The following CACNG3 variants were observed in gnomAD, a reference collection of about 807,000 sequenced individuals.
The protein encoded by CACNG3 is calcium voltage-gated channel auxiliary subunit gamma 3, also known as voltage-dependent calcium channel gamma-3 subunit.
In CACNG3, 3 loss-of-function variants were observed where a neutral mutation model predicts 28.5. That is an observed-to-expected ratio of 0.11 (90% CI 0.05 to 0.27). CACNG3 has a LOEUF of 0.27. Among genes scored for constraint, CACNG3 ranks in the 10% least tolerant of loss-of-function variants. CACNG3 has a pLI of 1.00. For synonymous variants in CACNG3, 174 were observed against 162.2 expected, an observed-to-expected ratio of 1.07 and a Z score of -0.55; for missense variants, 236 against 414.4, an observed-to-expected ratio of 0.57 and a Z score of 3.74.
intron 1 of CACNG3, among the ~76,000 whole-genome samples, chr16:24,344,417 A>G (rs1340261863): frequency 1.3e-5 from 2 of 152,150 alleles, no homozygotes; most frequent in Admixed American, 6.5e-5. Context: ...TCAGAAAAAA[A>G]AAAAAAATGC....
chr16:24,314,215 T>A (rs1166323129), intron 1 of CACNG3, among the ~76,000 whole-genome samples: 1 of 152,064 alleles, frequency 6.6e-6, no homozygotes, highest in African/African-American at 2.4e-5. Flanking sequence ...ATTTATGGGG[T>A]CCAGCACGAA....
At position 24,346,896 on chromosome 16, in the gene CACNG3, G is replaced by T. The variant is rs776196785; in HGVS notation, c.295+79G>T. ...ATCACTCAGCTGCCTCTGAGTCGGA[G>T]CTTCCTCAGCATCTGTCCCTAGAAA... On this transcript the variant is annotated intron_variant, in intron 2 of 3. Coordinates refer to ENST00000005284, the MANE Select transcript of CACNG3 (RefSeq NM_006539.4). 5.6e-6 allele frequency: 6 copies of T among 1,076,096 alleles called. No individual in the cohort carries two copies. In the East Asian group the frequency reaches 1.4e-4, roughly 26 times the overall value. 66.7% of individuals were successfully genotyped at this position (1,076,096 alleles called of 1,614,324 possible). A position where few individuals can be genotyped will look rare whatever the true frequency, so the allele number is the denominator to read the frequency against.
At chr16:24,305,980 A>G (rs377165492) in intron 1 of CACNG3, among the ~76,000 whole-genome samples, 2 of 152,152 alleles carry the variant, frequency 1.3e-5, no homozygotes, top group South Asian at 2.1e-4. Context: ...GCCTGTATAT[A>G]TGGTATATAC....
At chr16:24,322,339 A>G (rs1321445858) in intron 1 of CACNG3, among the ~76,000 whole-genome samples, 2 of 152,222 alleles carry the variant, frequency 1.3e-5, no homozygotes, top group African/African-American at 2.4e-5. Context: ...TAGCGCCTCA[A>G]AGGAACCCCG....
chr16:24,275,996 G>A (rs1042747378), intron 1 of CACNG3, among the ~76,000 whole-genome samples: 2 of 152,170 alleles, frequency 1.3e-5, no homozygotes, highest in Non-Finnish European at 2.9e-5. Context: ...ACCACTTGTC[G>A]AGTTTTGGTG....
intron 1 of CACNG3, among the ~76,000 whole-genome samples, chr16:24,314,258 G>A (rs531804887): frequency 6.6e-6 from 1 of 152,284 alleles, no homozygotes; most frequent in South Asian, 2.1e-4. Flanking sequence ...TCAAAAAAGT[G>A]TTAAGAATTT....
chr16:24,272,854 T>G (rs1298272152), intron 1 of CACNG3, among the ~76,000 whole-genome samples: 1 of 152,198 alleles, frequency 6.6e-6, no homozygotes, highest in Non-Finnish European at 1.5e-5. Flanking sequence ...TTTTAAAATT[T>G]TATTTTAAGT....
At chr16:24,269,746 C>CAAAAAAA (rs1163565728) in intron 1 of CACNG3, among the ~76,000 whole-genome samples, 42 of 71,040 alleles carry the variant, frequency 5.9e-4, no homozygotes, top group East Asian at 7.7e-4. Context: ...GACTCCATCT[C>CAAAAAAA]AAAAAAAAAA....
chr16:24,297,373 C>T (rs1240880398), intron 1 of CACNG3, among the ~76,000 whole-genome samples: 3 of 152,148 alleles, frequency 2.0e-5, no homozygotes, highest in East Asian at 3.8e-4. Context: ...TGTTTTGAAG[C>T]TGCTCTGGGG....
intron 3 of CACNG3, among the ~76,000 whole-genome samples, chr16:24,359,110 T>C (rs1031116569): frequency 6.6e-6 from 1 of 152,052 alleles, no homozygotes; most frequent in Non-Finnish European, 1.5e-5. Flanking sequence ...TTGGGGACTT[T>C]CCAAATTTTG....
intron 1 of CACNG3, among the ~76,000 whole-genome samples, chr16:24,264,362 T>G (rs1006529016): frequency 1.1e-4 from 17 of 152,134 alleles, no homozygotes; most frequent in African/African-American, 3.9e-4. Flanking sequence ...TCAACTACAG[T>G]CTCAGCAACA....
intron 1 of CACNG3, among the ~76,000 whole-genome samples, chr16:24,316,425 C>T (rs1899353009): frequency 6.6e-6 from 1 of 151,772 alleles, no homozygotes. Flanking sequence ...AGAGCATTCT[C>T]TGCCTGCTCT....
chr16:24,258,921 G>T (rs1397810393), intron 1 of CACNG3, among the ~76,000 whole-genome samples: 1 of 152,150 alleles, frequency 6.6e-6, no homozygotes, highest in Non-Finnish European at 1.5e-5. Context: ...GCAGAGGTAG[G>T]ACCTAAAATT....
intron 1 of CACNG3, among the ~76,000 whole-genome samples, chr16:24,293,819 A>G (rs1898996244): frequency 6.6e-6 from 1 of 152,152 alleles, no homozygotes. Flanking sequence ...TTCTCGAAAG[A>G]GCCAAGGGAC....
At chr16:24,288,882 C>T (rs1057467941) in intron 1 of CACNG3, among the ~76,000 whole-genome samples, 1 of 152,126 alleles carries the variant, frequency 6.6e-6, no homozygotes, top group East Asian at 1.9e-4. Flanking sequence ...AACACACACA[C>T]ACACACACAC....
chr16:24,354,440 G>C (rs1338922449), intron 2 of CACNG3, among the ~76,000 whole-genome samples: 1 of 152,014 alleles, frequency 6.6e-6, no homozygotes, highest in Admixed American at 6.6e-5. Flanking sequence ...GCTGAGGAGG[G>C]AGAATGGGCG....
At chr16:24,319,801 C>T (rs774901054) in intron 1 of CACNG3, among the ~76,000 whole-genome samples, 1 of 150,092 alleles carries the variant, frequency 6.7e-6, no homozygotes, top group Non-Finnish European at 1.5e-5. Context: ...AAGAGAGTCT[C>T]ACTCTGTTGC....
chr16:24,303,548 C>T (rs72781844), intron 1 of CACNG3, among the ~76,000 whole-genome samples: 6,060 of 152,036 alleles, frequency 0.04, 276 homozygotes, highest in Non-Finnish European at 0.051. Flanking sequence ...TCCCACCCCC[C>T]ACCACCTCTC....
rs148854651 is a variant in CACNG3 at position 24,286,619 on chromosome 16, A to G, written c.211+29654A>G. On this transcript the variant is annotated intron_variant, in intron 1 of 3. Transcript: ENST00000005284. ...GAACGCTAAAAACAGCAGCAAAGCC[A>G]TTTATTGTGTCCCACCCAGGTAATA... Among the ~76,000 whole-genome samples the G allele has an allele frequency of 1.4e-3, 215 of 152,254 alleles. No homozygotes were observed. The Middle Eastern group carries it at 0.017, about 12-fold the overall frequency.
Sources: allele counts gnomAD v4.1 joint callset (sites outside exome capture counted in the v4.1 genomes callset), GRCh38; gene constraint gnomAD v4.1.1; transcripts MANE v1.5; gene names NCBI Gene and HGNC (gene_info 2026-07-23, HGNC 2026-07-21).